ALDH1L1: variants seen among roughly 807,000 people sequenced by gnomAD.
ALDH1L1 encodes the protein cytosolic 10-formyltetrahydrofolate dehydrogenase.
A neutral mutation model predicts 101.1 loss-of-function variants in ALDH1L1; 68 were observed. The ratio of observed to expected loss-of-function variants is 0.67; its 90% CI spans 0.55 to 0.82. The LOEUF (loss-of-function observed/expected upper bound fraction) is 0.82. Ranked by LOEUF, ALDH1L1 falls within the 40% of genes least tolerant of loss-of-function variation. ALDH1L1 has a pLI of 0.00. For missense variants in ALDH1L1, 1,087 were observed against 1,172.7 expected (o/e 0.93, Z 1.07); for synonymous variants, 486 against 470.8 (o/e 1.03, Z -0.42).
intron 1 of ALDH1L1, among the ~76,000 whole-genome samples, chr3:126,167,706 G>A (rs2081196681): frequency 6.6e-6 from 1 of 151,964 alleles, no homozygotes; most frequent in South Asian, 2.1e-4. Flanking sequence ...AATAAAGCCA[G>A]CACTTTTAAA....
chr3:126,185,013 T>C (rs1211759780), upstream of ALDH1L1, among the ~76,000 whole-genome samples: 1 of 152,180 alleles, frequency 6.6e-6, no homozygotes, highest in Non-Finnish European at 1.5e-5. Flanking sequence ...CTCTCCCCAG[T>C]GGGAACCAAG....
chr3:126,182,059 C>T (rs192907707), upstream of ALDH1L1, among the ~76,000 whole-genome samples: 8 of 152,334 alleles, frequency 5.3e-5, no homozygotes, highest in Non-Finnish European at 8.8e-5. Flanking sequence ...GGAAGCTTTC[C>T]CTAGCCTCAG....
chr3:126,156,868 C>T (rs1402444288), intron 4 of ALDH1L1, among the ~76,000 whole-genome samples: 1 of 152,192 alleles, frequency 6.6e-6, no homozygotes, highest in Non-Finnish European at 1.5e-5. Flanking sequence ...AAGTGTTTCT[C>T]TTTCCCTGGA....
In ALDH1L1 at chr3:126,149,925, T is replaced by C. The variant is rs2080775325; in HGVS notation, c.984+481A>G. Among the ~76,000 whole-genome samples, 3 of 152,192 alleles carry C rather than the reference T, an allele frequency of 2.0e-5. No individual in the cohort carries two copies. The South Asian group carries it at 6.2e-4, about 32-fold the overall frequency. On this transcript the variant is annotated intron_variant, in intron 8 of 22. Transcript: ENST00000393434. ...GGAAGTGAGCATGGATGGAAATTCATGTTGAGAAGACTGAGTCTTAGAGAC... is the reference window on the plus strand; with the variant it reads ...GGAAGTGAGCATGGATGGAAATTCACGTTGAGAAGACTGAGTCTTAGAGAC...
intron 16 of ALDH1L1, among the ~76,000 whole-genome samples, chr3:126,122,468 T>A (rs550873746): frequency 6.6e-6 from 1 of 152,210 alleles, no homozygotes; most frequent in Non-Finnish European, 1.5e-5. Context: ...TGACACCAGA[T>A]AGTAGCTCAA....
In ALDH1L1 at chr3:126,149,003, C is replaced by T. The variant is rs551939287; in HGVS notation, c.984+1403G>A. ...CAACCAATTAGAACTGGTTTCAACC[C>T]TTCCTTTGCATGGGAACCTGGGTGA... On this transcript the variant is annotated intron_variant, in intron 8 of 22. Transcript: ENST00000393434. Among the ~76,000 whole-genome samples, 9 of 152,332 alleles carry T rather than the reference C, an allele frequency of 5.9e-5. No homozygotes were observed. The South Asian group carries it at 1.9e-3, about 32-fold the overall frequency.
chr3:126,112,631 G>A (rs540696893), intron 19 of ALDH1L1, 151 bp downstream of exon 19: 50 of 678,342 alleles, frequency 7.4e-5, no homozygotes, highest in African/African-American at 5.5e-4. Flanking sequence ...CACAGCTCCC[G>A]CTGTGGGTTC....
chr3:126,104,158 C>T, intron 22 of ALDH1L1: 2 of 443,202 alleles, frequency 4.5e-6, no homozygotes, highest in Non-Finnish European at 8.2e-6. Flanking sequence ...CTTGGCGTTA[C>T]TGCCCAGACT....
At chr3:126,158,297 T>C (rs2080958157) in intron 3 of ALDH1L1, 108 bp downstream of exon 3, 2 of 1,106,746 alleles carry the variant, frequency 1.8e-6, no homozygotes, top group South Asian at 1.6e-5. Flanking sequence ...ACCTGCACGA[T>C]GCCCACTCTG....
chr3:126,110,290 A>G (rs986550233), intron 19 of ALDH1L1, 181 bp from the exon 20 acceptor site: 21 of 744,996 alleles, frequency 2.8e-5, no homozygotes, highest in Non-Finnish European at 4.3e-5. Flanking sequence ...AATGGCTCCT[A>G]TGTGTAGAGG....
chr3:126,146,676 C>A (rs1484173825), intron 9 of ALDH1L1, among the ~76,000 whole-genome samples, 159 bp downstream of exon 9: 5 of 152,216 alleles, frequency 3.3e-5, no homozygotes, highest in South Asian at 2.1e-4. Flanking sequence ...GTGCTGCCCA[C>A]CATGTGTGCA....
upstream of ALDH1L1, among the ~76,000 whole-genome samples, chr3:126,182,273 A>G (rs2081482649): frequency 6.6e-6 from 1 of 152,050 alleles, no homozygotes; most frequent in Non-Finnish European, 1.5e-5. Context: ...TAGCCTCCTG[A>G]GTAGCTGGGA....
intron 1 of ALDH1L1, among the ~76,000 whole-genome samples, chr3:126,165,768 T>C (rs2081155504): frequency 6.6e-6 from 1 of 152,246 alleles, no homozygotes; most frequent in South Asian, 2.1e-4. Context: ...TTGGTTGTAA[T>C]GTCATCTTTG....
intron 8 of ALDH1L1, among the ~76,000 whole-genome samples, chr3:126,150,035 C>T (rs557726072): frequency 3.3e-5 from 5 of 152,318 alleles, no homozygotes; most frequent in South Asian, 4.1e-4. Flanking sequence ...GGTCACAGCC[C>T]GGGATGCTGC....
intron 1 of ALDH1L1, among the ~76,000 whole-genome samples, chr3:126,165,359 T>G (rs1346431825): frequency 6.6e-6 from 1 of 152,172 alleles, no homozygotes; most frequent in Non-Finnish European, 1.5e-5. Flanking sequence ...TCTATGTTCA[T>G]CGGGGATATT....
chr3:126,153,977 G>A (rs768958518), intron 6 of ALDH1L1, among the ~76,000 whole-genome samples: 15 of 152,356 alleles, frequency 9.8e-5, no homozygotes, highest in Admixed American at 2.6e-4. Flanking sequence ...AGGGCTCTGC[G>A]TTGATGAGGA....
intron 9 of ALDH1L1, among the ~76,000 whole-genome samples, chr3:126,140,524 T>C (rs11923466): frequency 0.38 from 57,103 of 151,908 alleles, 10,855 homozygotes; most frequent in Middle Eastern, 0.48. Context: ...TTGTATTTTA[T>C]TGTGGTTTGT....
chr3:126,118,000 C>A lies in ALDH1L1; in HGVS notation c.1982+5G>T, dbSNP rs541502420. On this transcript the variant is annotated splice_donor_5th_base_variant and intron_variant, in intron 17 of 22. Transcript: ENST00000393434. ...CCCTCCTCTGCTCCACCCCCAGCCA[C>A]GCACCTTTTCATGATGTGCTTGCCC... 3 of 1,612,386 alleles carry A rather than the reference C, an allele frequency of 1.9e-6. No individual in the cohort carries two copies. The highest frequency in any genetic ancestry group is 2.5e-6 in the Non-Finnish European group (3 of 1,179,262).
chr3:126,104,098 G>A (rs893990966), intron 22 of ALDH1L1: 19 of 572,068 alleles, frequency 3.3e-5, no homozygotes, highest in Middle Eastern at 4.7e-4. Flanking sequence ...AGCTCCCACC[G>A]CCTTGTCTGG....
Sources: gnomAD v4.1 joint callset for allele counts (sites outside exome capture counted in the v4.1 genomes callset) on GRCh38, gnomAD v4.1.1 for gene constraint, MANE v1.5 for transcripts, NCBI Gene and HGNC (gene_info 2026-07-23, HGNC 2026-07-21) for gene names.